Variants in LGSN observed in about 807,000 individuals in gnomAD.
The protein encoded by LGSN is lengsin, lens protein with glutamine synthetase domain, also known as lengsin.
Under a neutral mutation model 19.5 loss-of-function variants are expected in LGSN, and 21 were observed. That is an observed-to-expected ratio of 1.07 (90% CI 0.76 to 1.55). LGSN has a LOEUF of 1.55. Ranked by LOEUF, LGSN falls within the 40% of genes most tolerant of loss-of-function variation. The pLI, the probability that LGSN is intolerant of heterozygous loss-of-function variation, is 0.00. For missense variants in LGSN, 673 were observed against 608.5 expected, an observed-to-expected ratio of 1.11 and a Z score of -1.12; for synonymous variants, 257 against 215.6, an observed-to-expected ratio of 1.19 and a Z score of -1.68.
chr6:63,328,906 C>T, the LGSN span, among the ~76,000 whole-genome samples: 1 of 152,200 alleles, frequency 6.6e-6, no homozygotes, highest in Non-Finnish European at 1.5e-5. Context: ...TTCCAAGGAA[C>T]CCCTTCAACT....
the LGSN span, among the ~76,000 whole-genome samples, chr6:63,509,037 A>C: frequency 6.6e-6 from 1 of 151,662 alleles, no homozygotes; most frequent in African/African-American, 2.4e-5. Context: ...ATTATATTTA[A>C]CAATATAAAA....
chr6:63,277,260 G>C lies in LGSN; in HGVS notation c.*2761C>G, dbSNP rs1470610365. 26 of 152,148 alleles carry C rather than the reference G, an allele frequency of 1.7e-4. No homozygotes were observed. Among genetic ancestry groups the C allele is most frequent in the Non-Finnish European group, 1.5e-5 (1 of 68,014 alleles). 9.4% of individuals were successfully genotyped at this position (152,148 alleles called of 1,614,324 possible). A position where few individuals can be genotyped will look rare whatever the true frequency, so the allele number is the denominator to read the frequency against. ...ATGGTAAAATGAAGTCAATGCATTA[G>C]ACATGTTTCATTAAGGCCCGTGGAC... On this transcript the variant is annotated 3_prime_UTR_variant, in exon 4 of 4. Coordinates refer to ENST00000370657, the MANE Select transcript of LGSN (RefSeq NM_016571.3).
At chr6:63,567,545 T>C in the LGSN span, among the ~76,000 whole-genome samples, 1 of 152,234 alleles carries the variant, frequency 6.6e-6, no homozygotes, top group African/African-American at 2.4e-5. Flanking sequence ...AGATGTGCTG[T>C]CAACCAGGTT....
chr6:63,340,187 C>A, the LGSN span, among the ~76,000 whole-genome samples: 2 of 152,054 alleles, frequency 1.3e-5, no homozygotes, highest in Middle Eastern at 3.2e-3. Flanking sequence ...TTTTCTCTTG[C>A]AGTCCTTAGA....
intron 3 of LGSN, among the ~76,000 whole-genome samples, chr6:63,285,384 C>A (rs1445803002): frequency 6.6e-6 from 1 of 152,084 alleles, no homozygotes; most frequent in Non-Finnish European, 1.5e-5. Flanking sequence ...AAAGAAATTG[C>A]TGTTTGAGAG....
intron 1 of LGSN, among the ~76,000 whole-genome samples, chr6:63,296,364 C>A (rs867666148): frequency 2.0e-5 from 3 of 151,716 alleles, no homozygotes; most frequent in Non-Finnish European, 4.4e-5. Flanking sequence ...TTTCCCAACA[C>A]ACTTCTGATA....
the LGSN span, among the ~76,000 whole-genome samples, chr6:63,523,905 T>G: frequency 6.6e-6 from 1 of 152,194 alleles, no homozygotes; most frequent in Non-Finnish European, 1.5e-5. Context: ...AATGTTTTAT[T>G]GTCATTCTCA....
chr6:63,481,841 A>C, the LGSN span: 45 of 291,156 alleles, frequency 1.5e-4, no homozygotes, highest in East Asian at 3.0e-3. Context: ...TTTGAGAACT[A>C]TATGCAATCC....
At chr6:63,555,132 T>C in the LGSN span, among the ~76,000 whole-genome samples, 8 of 152,154 alleles carry the variant, frequency 5.3e-5, no homozygotes, top group African/African-American at 1.9e-4. Flanking sequence ...TTTCTGGTAA[T>C]ATAAGAATAG....
chr6:63,447,508 A>G, the LGSN span, among the ~76,000 whole-genome samples: 41 of 152,206 alleles, frequency 2.7e-4, no homozygotes, highest in Admixed American at 2.7e-3. Context: ...ATGTATATGA[A>G]ATAACTATTT....
chr6:63,361,042 C>T, the LGSN span, among the ~76,000 whole-genome samples: 1,135 of 152,292 alleles, frequency 7.5e-3, 6 homozygotes, highest in Non-Finnish European at 0.01. Context: ...AGTACCCAGC[C>T]ATGTGAGGTG....
At chr6:63,475,758 C>T in the LGSN span, among the ~76,000 whole-genome samples, 1 of 152,182 alleles carries the variant, frequency 6.6e-6, no homozygotes, top group Admixed American at 6.5e-5. Flanking sequence ...TCAACAACAA[C>T]TGTTGTTGCT....
chr6:63,480,940 GATATAT>G, the LGSN span, among the ~76,000 whole-genome samples: 1,647 of 59,734 alleles, frequency 0.028, 47 homozygotes, highest in Middle Eastern at 0.065. Context: ...TAAAGAAAAT[GATATAT>G]ATATATATAT....
chr6:63,479,731 C>T, the LGSN span, among the ~76,000 whole-genome samples: 1 of 138,214 alleles, frequency 7.2e-6, no homozygotes, highest in Non-Finnish European at 1.6e-5. Flanking sequence ...CAGAGTGAGA[C>T]TCCGTCTCAA....
chr6:63,423,797 G>C, the LGSN span, among the ~76,000 whole-genome samples: 3 of 152,104 alleles, frequency 2.0e-5, no homozygotes, highest in East Asian at 1.9e-4. Flanking sequence ...CAACACTTTG[G>C]GGGGCCGAGT....
chr6:63,333,673 G>C, the LGSN span, among the ~76,000 whole-genome samples: 1 of 150,696 alleles, frequency 6.6e-6, no homozygotes, highest in Admixed American at 6.6e-5. Context: ...AGAGGAAGGG[G>C]AAGGGGGAAA....
Position 63,280,321 on chromosome 6 carries a change from G to T in LGSN, c.1230C>A (p.Gly410=), listed in dbSNP as rs1767245300. ...EKGTRIENKL[G]SATANPYLVL... Reference sequence around the variant, plus strand: ...CCAAGTAAGGGTTTGCTGTTGCTGAGCCTAGTTTATTTTCTATCCGGGTGC... The same window carrying T: ...CCAAGTAAGGGTTTGCTGTTGCTGATCCTAGTTTATTTTCTATCCGGGTGC... The change falls in exon 4 of 4, where the codon GGC becomes GGA. Residue 410 remains glycine (G), a synonymous_variant. Coordinates refer to ENST00000370657, the MANE Select transcript of LGSN (RefSeq NM_016571.3). 1 of 1,614,190 alleles carries T rather than the reference G, an allele frequency of 6.2e-7. No individual in the cohort carries two copies. Among genetic ancestry groups the T allele is most frequent in the Admixed American group, 1.7e-5 (1 of 60,028 alleles).
chr6:63,382,324 T>C, the LGSN span, among the ~76,000 whole-genome samples: 9 of 152,216 alleles, frequency 5.9e-5, no homozygotes, highest in African/African-American at 2.2e-4. Flanking sequence ...ATACAGTACA[T>C]TGAATATGTC....
chr6:63,297,969 T>C (rs1317892387), intron 1 of LGSN, among the ~76,000 whole-genome samples: 3 of 152,226 alleles, frequency 2.0e-5, no homozygotes, highest in Admixed American at 6.5e-5. Flanking sequence ...CTTCTGTACA[T>C]CACTTTTCTT....
Sources: gnomAD v4.1 joint callset for allele counts (sites outside exome capture counted in the v4.1 genomes callset) on GRCh38, gnomAD v4.1.1 for gene constraint, MANE v1.5 for transcripts, NCBI Gene and HGNC (gene_info 2026-07-23, HGNC 2026-07-21) for gene names.